Variants in PTPRS observed in about 807,000 individuals in gnomAD.
PTPRS encodes the protein protein tyrosine phosphatase receptor type S.
A neutral mutation model predicts 215.3 loss-of-function variants in PTPRS; 63 were observed. The observed-to-expected ratio is 0.29, with a 90% confidence interval of 0.24 to 0.36. PTPRS has a LOEUF of 0.36. PTPRS is among the 10% of genes least tolerant of loss of function. The pLI is 1.00. For synonymous variants in PTPRS, 1,404 were observed against 1,191.4 expected (o/e 1.18, Z -3.68); for missense variants, 2,258 against 2,825.8 (o/e 0.80, Z 4.56).
chr19:5,227,805 A>G (rs556369519), intron 16 of PTPRS, among the ~76,000 whole-genome samples: 7 of 152,280 alleles, frequency 4.6e-5, no homozygotes, highest in Admixed American at 1.3e-4. Context: ...CATCTAGCAC[A>G]TAGTAGGTGC....
intron 17 of PTPRS, among the ~76,000 whole-genome samples, chr19:5,223,658 G>A (rs1230705409): frequency 8.9e-6 from 1 of 112,170 alleles, no homozygotes; most frequent in Non-Finnish European, 1.8e-5. Flanking sequence ...TGCCTCCCGG[G>A]TTCAAGGGAT....
intron 1 of PTPRS, among the ~76,000 whole-genome samples, chr19:5,334,334 A>C (rs2050424525): frequency 6.6e-6 from 1 of 152,200 alleles, no homozygotes; most frequent in Non-Finnish European, 1.5e-5. Context: ...GTTGTCAAAA[A>C]TAATAACAAA....
Position 5,287,987 on chromosome 19 carries a change from C to T in PTPRS, c.-94-1753G>A, listed in dbSNP as rs1475590727. Among the ~76,000 whole-genome samples the T allele has an allele frequency of 2.0e-5, 3 of 151,226 alleles. No homozygotes were observed. The highest frequency in any genetic ancestry group is 7.3e-5 in the African/African-American group (3 of 41,114). ...GGGCACACACACACACACACACACA[C>T]ACACACACACACACACACACACAAT... is the stretch of plus-strand genomic sequence containing the variant. On this transcript the variant is annotated intron_variant, in intron 1 of 37. Coordinates refer to ENST00000262963, the MANE Select transcript of PTPRS (RefSeq NM_002850.4). The surrounding 1 kb of genome is among the most constrained non-coding windows in gnomAD (Gnocchi z 4.8).
In PTPRS at chr19:5,338,487, C is replaced by T. The variant is rs1032507011; in HGVS notation, c.-95+2177G>A. On this transcript the variant is annotated intron_variant, in intron 1 of 37. Coordinates refer to ENST00000262963, the MANE Select transcript of PTPRS (RefSeq NM_002850.4). The surrounding 1 kb of genome is among the most constrained non-coding windows in gnomAD (Gnocchi z 4.2). ...GCCTGCCAGCCAGAAAGAGATGCCCCACGGAAGGCTTTGTGGAGGGCAGCG... is the reference window on the plus strand; with the variant it reads ...GCCTGCCAGCCAGAAAGAGATGCCCTACGGAAGGCTTTGTGGAGGGCAGCG... Among the ~76,000 whole-genome samples, 2 of 152,090 alleles carry T rather than the reference C, an allele frequency of 1.3e-5. No homozygotes were observed. Among genetic ancestry groups the T allele is most frequent in the African/African-American group, 2.4e-5 (1 of 41,412 alleles).
chr19:5,276,001 C>A (rs1401877540), intron 2 of PTPRS, among the ~76,000 whole-genome samples: 1 of 152,146 alleles, frequency 6.6e-6, no homozygotes, highest in African/African-American at 2.4e-5. Flanking sequence ...TAGGCGTCAA[C>A]CACCATACCC....
intron 1 of PTPRS, among the ~76,000 whole-genome samples, chr19:5,289,231 G>A (rs1219495873): frequency 6.6e-6 from 1 of 152,102 alleles, no homozygotes; most frequent in African/African-American, 2.4e-5. Context: ...GGTCCTCTGC[G>A]AGGATTTGGG....
intron 4 of PTPRS, among the ~76,000 whole-genome samples, chr19:5,269,819 G>A (rs1877269723): frequency 6.6e-6 from 1 of 151,106 alleles, no homozygotes. Context: ...TACTCAGGAG[G>A]CTGAGCCAGG....
chr19:5,246,126 C>CA, intron 9 of PTPRS, 81 bp from the exon 10 acceptor site: 1 of 737,594 alleles, frequency 1.4e-6, no homozygotes, highest in Non-Finnish European at 1.9e-6. Flanking sequence ...AGACAGGATG[C>CA]GGAGGAGAAA....
At chr19:5,285,951 C>T (rs1023594220) in intron 2 of PTPRS, 99 bp downstream of exon 2, 2 of 1,151,196 alleles carry the variant, frequency 1.7e-6, no homozygotes, top group Non-Finnish European at 1.2e-6. Context: ...TGGAGGGCCC[C>T]AGGGAGGAGG....
intron 9 of PTPRS, among the ~76,000 whole-genome samples, chr19:5,247,194 TTAA>T (rs112152247): frequency 0.02 from 2,963 of 147,728 alleles, 84 homozygotes; most frequent in African/African-American, 0.058. Context: ...AAATAGTATA[TTAA>T]TAATAATAAT....
chr19:5,243,949 C>T lies in PTPRS; in HGVS notation c.1522G>A (p.Gly508Ser), dbSNP rs1260947679. The T allele has an allele frequency of 1.3e-6, 2 of 1,586,392 alleles. No homozygotes were observed. Among genetic ancestry groups the T allele is most frequent in the South Asian group, 1.1e-5 (1 of 89,804 alleles). The change falls in exon 11 of 38, where the codon GGC becomes AGC. Residue 508 changes from glycine to serine, a missense_variant. Gly to Ser is a moderately conservative substitution (Grantham distance 56). Transcript: ENST00000262963. ...ATGGGGTCCGAGAGGGGCCCGTCGC[C>T]GACGGAGGTGAAGGCGAGCACCCGC... Reference protein sequence around the residue: ...TVRVLAFTSVGDGPLSDPIQV... With the variant: ...TVRVLAFTSVSDGPLSDPIQV...
chr19:5,208,636 C>T (rs1483553328), intron 35 of PTPRS, among the ~76,000 whole-genome samples: 2 of 152,122 alleles, frequency 1.3e-5, no homozygotes, highest in Non-Finnish European at 2.9e-5. Context: ...GCATGAGCCA[C>T]CAGGCCCGGC....
At position 5,219,952 on chromosome 19, in the gene PTPRS, T is replaced by A. The variant is rs757534258; in HGVS notation, c.3752A>T (p.Gln1251Leu). Residue 1251 changes from glutamine (Q) to leucine (L), a missense_variant, in exon 22 of 38, where the codon CAG (glutamine) becomes CTG (leucine). This residue lies in a region of PTPRS where 927 missense variants were observed against 1,125.9 expected (regional missense o/e 0.82). Transcript: ENST00000262963. ...TTCAGGACTTACAGGCTCGCTCTTC[T>A]GAAGCACGGCAAGCACGAAGAGGAC... ...RYVLFVLAVLQKSEPTFAASP... is the reference protein window; with the variant it reads ...RYVLFVLAVLLKSEPTFAASP... 6.2e-7 allele frequency: 1 copy of A among 1,613,622 alleles called. No homozygotes were observed. The highest frequency in any genetic ancestry group is 8.5e-7 in the Non-Finnish European group (1 of 1,179,808).
At position 5,289,008 on chromosome 19, in the gene PTPRS, G is replaced by A. The variant is rs148904534; in HGVS notation, c.-94-2774C>T. Reference sequence around the variant, plus strand: ...TCAGGGGCAGGGACGAGGGGCTACAGTAACAGGAGCATTTGGGGCATTGGA... The same window carrying A: ...TCAGGGGCAGGGACGAGGGGCTACAATAACAGGAGCATTTGGGGCATTGGA... On this transcript the variant is annotated intron_variant, in intron 1 of 37. Transcript: ENST00000262963. Among the ~76,000 whole-genome samples the A allele has an allele frequency of 3.9e-4, 59 of 151,766 alleles. No homozygotes were observed. The East Asian group carries it at 0.011, about 29-fold the overall frequency.
chr19:5,236,886 G>A (rs957119593), intron 13 of PTPRS, among the ~76,000 whole-genome samples: 22 of 150,066 alleles, frequency 1.5e-4, no homozygotes, highest in African/African-American at 7.4e-5. Context: ...GGAATGTGTC[G>A]GAAGGAATGG....
At chr19:5,238,261 G>C (rs1029733926) in intron 13 of PTPRS, among the ~76,000 whole-genome samples, 4 of 152,088 alleles carry the variant, frequency 2.6e-5, no homozygotes, top group Non-Finnish European at 5.9e-5. Context: ...CAGGTGAAGG[G>C]TGACTCGCTC....
At chr19:5,246,536 CGG>C (rs1363345975) in intron 9 of PTPRS, among the ~76,000 whole-genome samples, 2 of 152,210 alleles carry the variant, frequency 1.3e-5, no homozygotes, top group Non-Finnish European at 2.9e-5. Context: ...GCATCCCCTT[CGG>C]GGAGCGCTGG....
chr19:5,230,856 T>C (rs2042953593), intron 14 of PTPRS, among the ~76,000 whole-genome samples: 1 of 152,160 alleles, frequency 6.6e-6, no homozygotes, highest in African/African-American at 2.4e-5. Flanking sequence ...CTGCCTTGCT[T>C]TCCAGCTTCA....
At chr19:5,222,506 G>A (rs1263418088) in intron 18 of PTPRS, among the ~76,000 whole-genome samples, 183 bp downstream of exon 18, 1 of 151,888 alleles carries the variant, frequency 6.6e-6, no homozygotes, top group African/African-American at 2.4e-5. Flanking sequence ...GGGGGGCGGT[G>A]GTGCCACCGA....
Sources: allele counts gnomAD v4.1 joint callset (sites outside exome capture counted in the v4.1 genomes callset), GRCh38; gene constraint gnomAD v4.1.1; regional missense constraint gnomAD v4.1.1; non-coding constraint Gnocchi (gnomAD v3.1); transcripts MANE v1.5; gene names NCBI Gene and HGNC (gene_info 2026-07-23, HGNC 2026-07-21).